The following PRMT8 variants were observed in gnomAD, a reference collection of about 807,000 sequenced individuals.
The protein encoded by PRMT8 is protein arginine N-methyltransferase 8.
A neutral mutation model predicts 47.1 loss-of-function variants in PRMT8; 7 were observed. The observed-to-expected ratio is 0.15, with a 90% CI of 0.08 to 0.28. The LOEUF (loss-of-function observed/expected upper bound fraction) is 0.28. PRMT8 is among the 10% of genes least tolerant of loss of function. The pLI, the probability that PRMT8 is intolerant of heterozygous loss-of-function variation, is 1.00. For synonymous variants in PRMT8, 188 were observed against 186.5 expected (o/e 1.01, Z -0.07); for missense variants, 237 against 505.4 (o/e 0.47, Z 5.09).
In PRMT8 at chr12:3,583,769, A is replaced by G. The variant is rs139475176; in HGVS notation, c.979+561A>G. On this transcript the variant is annotated intron_variant, in intron 8 of 9. Transcript: ENST00000382622. The surrounding 1 kb of genome is among the most constrained non-coding windows in gnomAD (Gnocchi z 4.7). Reference sequence around the variant, plus strand: ...TACGAGGTGCCTCGCTGCCTGCAGTAGATAAGCCTGGCAAATGGGGATCCC... The same window carrying G: ...TACGAGGTGCCTCGCTGCCTGCAGTGGATAAGCCTGGCAAATGGGGATCCC... Among the ~76,000 whole-genome samples, 1,044 of 152,328 alleles carry G rather than the reference A, an allele frequency of 6.9e-3. 10 individuals carry two copies. The highest frequency in any genetic ancestry group is 0.02 in the Middle Eastern group (6 of 294).
At chr12:3,555,647 A>C (rs1380677822) in intron 4 of PRMT8, among the ~76,000 whole-genome samples, 1 of 152,200 alleles carries the variant, frequency 6.6e-6, no homozygotes, top group African/African-American at 2.4e-5. Context: ...AGTCGCAAGC[A>C]AGAAGGGTGT....
At position 3,451,632 on chromosome 12, in the gene PRMT8, C is replaced by T. The variant is rs189077319; in HGVS notation, c.48+70190C>T. ...ATACATGGGTGCTTAGCTGTGCTTT[C>T]GTGCTCCAACAGTTAGACATCCTAT... On this transcript the variant is annotated intron_variant, in intron 1 of 9. Transcript: ENST00000452611. 3.6e-3 allele frequency among the ~76,000 whole-genome samples: 553 copies of T among 152,290 alleles called. 2 individuals are homozygous for T. The highest frequency in any genetic ancestry group is 5.7e-3 in the Non-Finnish European group (391 of 68,022).
chr12:3,515,804 T>A (rs1865783371), intron 1 of PRMT8, among the ~76,000 whole-genome samples: 1 of 152,206 alleles, frequency 6.6e-6, no homozygotes, highest in Non-Finnish European at 1.5e-5. Context: ...TTGACACCCA[T>A]GCATTGTCGT....
chr12:3,589,775 A>T (rs1161636274), intron 8 of PRMT8, among the ~76,000 whole-genome samples: 1 of 152,192 alleles, frequency 6.6e-6, no homozygotes, highest in Non-Finnish European at 1.5e-5. Context: ...TGTTTTGGGG[A>T]CTACCATCAG....
chr12:3,399,891 T>C (rs907244182), intron 1 of PRMT8, among the ~76,000 whole-genome samples: 2 of 152,228 alleles, frequency 1.3e-5, no homozygotes, highest in African/African-American at 4.8e-5. Flanking sequence ...TCAATGACTA[T>C]ACCCCAAGGC....
At chr12:3,540,012 G>A (rs868280639) in intron 1 of PRMT8, among the ~76,000 whole-genome samples, 4 of 152,172 alleles carry the variant, frequency 2.6e-5, no homozygotes, top group African/African-American at 7.2e-5. Flanking sequence ...GTGGGACTTC[G>A]TTTCCTCTAA....
At chr12:3,387,000 G>A (rs1395861252) in intron 1 of PRMT8, among the ~76,000 whole-genome samples, 9 of 152,108 alleles carry the variant, frequency 5.9e-5, no homozygotes, top group African/African-American at 1.7e-4. Flanking sequence ...GAGCCACCAC[G>A]CCTGGCCTAA....
chr12:3,468,261 C>T (rs1038489766), intron 1 of PRMT8, among the ~76,000 whole-genome samples: 2 of 152,082 alleles, frequency 1.3e-5, no homozygotes, highest in African/African-American at 2.4e-5. Context: ...ACCTAGAAGA[C>T]GAGAAAAAAT....
Position 3,558,961 on chromosome 12 carries a change from C to CTAT in PRMT8, c.481+5247_481+5248insTAT, listed in dbSNP as rs1866579970. 1.5e-4 allele frequency among the ~76,000 whole-genome samples: 23 copies of CTAT among 150,108 alleles called. 1 individual carries two copies. Among genetic ancestry groups the CTAT allele is most frequent in the East Asian group, 4.0e-4 (2 of 5,052 alleles). The stretch of plus-strand genomic sequence containing the variant: ...TAACATTTATCTGTCTATCTATCTA[C>CTAT]CTATCTATCTATCTATCTATCTATC... On this transcript the variant is annotated intron_variant, in intron 4 of 9. Transcript: ENST00000382622.
intron 1 of PRMT8, among the ~76,000 whole-genome samples, chr12:3,434,576 T>G (rs1591548867): frequency 6.6e-6 from 1 of 152,200 alleles, no homozygotes; most frequent in East Asian, 1.9e-4. Flanking sequence ...GTCTTTTCCC[T>G]CTCACAATGG....
rs1211131919 is a variant in PRMT8 at position 3,491,833 on chromosome 12, TGTGTGTGTGTGTGTG to T, written c.75+134_75+148del. On this transcript the variant is annotated intron_variant, in intron 1 of 9. Transcript: ENST00000382622. ...CCGCTCGCTTCTGCCGGCCTCCTCC[TGTGTGTGTGTGTGTG>T]TGTGTGTGTGTGTGTGTGTGTGTGT... The T allele has an allele frequency of 8.4e-3, 366 of 43,780 alleles. 9 individuals are homozygous for T. The highest frequency in any genetic ancestry group is 0.036 in the African/African-American group (48 of 1,332). The allele number at this position is 43,780 out of a possible 1,614,324, so 2.7% of individuals were successfully genotyped here.
At chr12:3,483,573 G>A (rs1865294921) in intron 1 of PRMT8, among the ~76,000 whole-genome samples, 1 of 152,182 alleles carries the variant, frequency 6.6e-6, no homozygotes, top group Non-Finnish European at 1.5e-5. Flanking sequence ...AAGCCACAGA[G>A]TAGATTGTGT....
intron 1 of PRMT8, among the ~76,000 whole-genome samples, chr12:3,430,925 A>T (rs2137068006): frequency 6.6e-6 from 1 of 152,154 alleles, no homozygotes; most frequent in South Asian, 2.1e-4. Context: ...AGCCTGGGGG[A>T]CCTCTTGGAG....
chr12:3,489,673 G>T (rs142417211), upstream of PRMT8, among the ~76,000 whole-genome samples: 44 of 152,202 alleles, frequency 2.9e-4, no homozygotes, highest in Non-Finnish European at 5.4e-4. Context: ...ACCACTTTCT[G>T]CATGTTGACA....
intron 1 of PRMT8, among the ~76,000 whole-genome samples, chr12:3,507,560 C>T (rs897510883): frequency 6.6e-6 from 1 of 152,058 alleles, no homozygotes; most frequent in Non-Finnish European, 1.5e-5. Context: ...TCAAAGGATT[C>T]CACAAATGAT....
chr12:3,531,558 G>A (rs1866030871), intron 1 of PRMT8, among the ~76,000 whole-genome samples: 1 of 152,164 alleles, frequency 6.6e-6, no homozygotes, highest in South Asian at 2.1e-4. Context: ...GGAGACAGAG[G>A]GAGTGCTGTG....
intron 1 of PRMT8, among the ~76,000 whole-genome samples, chr12:3,397,875 T>C (rs1864273457): frequency 6.6e-6 from 1 of 152,204 alleles, no homozygotes; most frequent in African/African-American, 2.4e-5. Context: ...TCCATGGGCG[T>C]AGGACCCTCC....
At chr12:3,441,351 G>A (rs531536572) in intron 1 of PRMT8, among the ~76,000 whole-genome samples, 1 of 152,342 alleles carries the variant, frequency 6.6e-6, no homozygotes, top group South Asian at 2.1e-4. Context: ...CTGAGAGAGT[G>A]GGGAAGACAT....
intron 1 of PRMT8, among the ~76,000 whole-genome samples, chr12:3,415,299 G>A (rs770050527): frequency 1.3e-5 from 2 of 152,156 alleles, no homozygotes; most frequent in Non-Finnish European, 2.9e-5. Context: ...TAAGCTTTCT[G>A]GAAGCCCCCC....
Sources: allele counts gnomAD v4.1 joint callset (sites outside exome capture counted in the v4.1 genomes callset), GRCh38; gene constraint gnomAD v4.1.1; non-coding constraint Gnocchi (gnomAD v3.1); transcripts MANE v1.5; gene names NCBI Gene and HGNC (gene_info 2026-07-23, HGNC 2026-07-21).